Variants in ERBB4 observed in about 807,000 individuals in gnomAD.
ERBB4 encodes the protein erb-b2 receptor tyrosine kinase 4.
A neutral mutation model predicts 158.0 loss-of-function variants in ERBB4; 42 were observed. That is an observed-to-expected ratio of 0.27 (90% confidence interval 0.21 to 0.34). The LOEUF is 0.34. ERBB4 is among the 10% of genes least tolerant of loss of function. ERBB4 has a pLI of 1.00. For missense variants in ERBB4, 1,333 were observed against 1,624.1 expected, an observed-to-expected ratio of 0.82 and a Z score of 3.08; for synonymous variants, 583 against 558.7, an observed-to-expected ratio of 1.04 and a Z score of -0.61.
At chr2:211,990,740 C>T (rs1050125512) in intron 2 of ERBB4, among the ~76,000 whole-genome samples, 1 of 151,660 alleles carries the variant, frequency 6.6e-6, no homozygotes, top group African/African-American at 2.4e-5. Context: ...GTATCCTCGA[C>T]CAGCATCTCT....
At chr2:211,391,352 A>AT (rs1451214255) in intron 25 of ERBB4, among the ~76,000 whole-genome samples, 1 of 152,202 alleles carries the variant, frequency 6.6e-6, no homozygotes, top group East Asian at 1.9e-4. Context: ...GCTCTCAGTT[A>AT]AAAGCTTTTG....
intron 1 of ERBB4, among the ~76,000 whole-genome samples, chr2:212,497,109 C>T (rs962496191): frequency 2.8e-5 from 4 of 141,744 alleles, no homozygotes; most frequent in Admixed American, 7.6e-5. Flanking sequence ...ACCCAGGAGG[C>T]GGAGGTTGCA....
intron 2 of ERBB4, among the ~76,000 whole-genome samples, chr2:212,079,786 C>T (rs529784618): frequency 6.6e-6 from 1 of 152,088 alleles, no homozygotes; most frequent in South Asian, 2.1e-4. Context: ...CACTTTGCTA[C>T]CCTTTCATAA....
intron 20 of ERBB4, among the ~76,000 whole-genome samples, chr2:211,482,334 G>T (rs2065104382): frequency 1.3e-5 from 2 of 152,072 alleles, no homozygotes; most frequent in Admixed American, 1.3e-4. Context: ...CACACTTCAG[G>T]AATCATCAAA....
chr2:212,278,715 T>G (rs1038621619), intron 1 of ERBB4, among the ~76,000 whole-genome samples: 1 of 151,638 alleles, frequency 6.6e-6, no homozygotes, highest in Non-Finnish European at 1.5e-5. Flanking sequence ...AGCTAGTATT[T>G]TAGAATGAAG....
chr2:211,701,624 G>A (rs554073937), intron 12 of ERBB4, among the ~76,000 whole-genome samples: 36 of 151,844 alleles, frequency 2.4e-4, no homozygotes, highest in African/African-American at 8.0e-4. Context: ...CGGGCGCGGC[G>A]GCGGGCGCCT....
At chr2:212,513,420 T>C (rs1180357858) in intron 1 of ERBB4, among the ~76,000 whole-genome samples, 1 of 152,166 alleles carries the variant, frequency 6.6e-6, no homozygotes, top group Non-Finnish European at 1.5e-5. Context: ...TCATGCTAAA[T>C]ACCTTATACA....
chr2:212,243,321 G>A (rs1260331297), intron 1 of ERBB4, among the ~76,000 whole-genome samples: 2 of 152,156 alleles, frequency 1.3e-5, no homozygotes, highest in Non-Finnish European at 2.9e-5. Flanking sequence ...TGATTAAGAA[G>A]CATATTGGGA....
At chr2:212,027,986 T>C (rs1575535937) in intron 2 of ERBB4, among the ~76,000 whole-genome samples, 1 of 152,136 alleles carries the variant, frequency 6.6e-6, no homozygotes, top group East Asian at 1.9e-4. Flanking sequence ...TTTGTAGTTC[T>C]TCAAAATCTG....
rs2125295814 is a variant in ERBB4 at position 211,378,439 on chromosome 2, A to C, written c.*5176T>G. On this transcript the variant is annotated 3_prime_UTR_variant, in exon 28 of 28. Transcript: ENST00000342788. Reference sequence around the variant, plus strand: ...AGTGAGACTTGAACCGAGTATCTGAAATTTCTATTATTTTAGAGAGACTTT... The same window carrying C: ...AGTGAGACTTGAACCGAGTATCTGACATTTCTATTATTTTAGAGAGACTTT... The C allele has an allele frequency of 4.3e-6, 1 of 232,728 alleles. No homozygotes were observed. Among genetic ancestry groups the C allele is most frequent in the Non-Finnish European group, 8.5e-6 (1 of 117,412 alleles). The allele number at this position is 232,728 out of a possible 1,614,324, so 14.4% of individuals were successfully genotyped here.
intron 13 of ERBB4, among the ~76,000 whole-genome samples, chr2:211,676,396 T>C (rs894679893): frequency 6.6e-6 from 1 of 152,174 alleles, no homozygotes; most frequent in African/African-American, 2.4e-5. Flanking sequence ...TAAAAAACAG[T>C]GTGGTAATCA....
At chr2:212,193,470 T>A (rs1046262848) in intron 1 of ERBB4, among the ~76,000 whole-genome samples, 1 of 152,044 alleles carries the variant, frequency 6.6e-6, no homozygotes, top group Non-Finnish European at 1.5e-5. Flanking sequence ...AATAAGAAGA[T>A]AGAAAACAGT....
chr2:212,058,636 AT>A, intron 2 of ERBB4, among the ~76,000 whole-genome samples: 1 of 152,338 alleles, frequency 6.6e-6, no homozygotes, highest in Admixed American at 6.5e-5. Flanking sequence ...CTGGTTCAAC[AT>A]ACGCAAATCA....
chr2:211,656,726 T>C (rs995992835), intron 16 of ERBB4, among the ~76,000 whole-genome samples: 1 of 152,230 alleles, frequency 6.6e-6, no homozygotes, highest in Non-Finnish European at 1.5e-5. Flanking sequence ...TCATGCAGTA[T>C]GTATTTTTTT....
At chr2:212,021,802 T>C (rs914853159) in intron 2 of ERBB4, among the ~76,000 whole-genome samples, 1 of 151,108 alleles carries the variant, frequency 6.6e-6, no homozygotes, top group Non-Finnish European at 1.5e-5. Context: ...TGGGAGAAAA[T>C]TTTTGCAAAA....
chr2:212,229,689 C>T (rs947690169), intron 1 of ERBB4, among the ~76,000 whole-genome samples: 1 of 152,042 alleles, frequency 6.6e-6, no homozygotes, highest in Non-Finnish European at 1.5e-5. Flanking sequence ...ACAGCTTATC[C>T]AGGTGATAAA....
At position 211,478,911 on chromosome 2, in the gene ERBB4, T is replaced by C. The variant is rs947087615; in HGVS notation, c.2488-47811A>G. On this transcript the variant is annotated intron_variant, in intron 20 of 27. Coordinates refer to ENST00000342788, the MANE Select transcript of ERBB4 (RefSeq NM_005235.3). Reference sequence around the variant, plus strand: ...ATATTGAAACTCCTCAGGATGGTAATGTAAGGCTTCTTCATGCTTTCCCAA... The same window carrying C: ...ATATTGAAACTCCTCAGGATGGTAACGTAAGGCTTCTTCATGCTTTCCCAA... Among the ~76,000 whole-genome samples, 5 of 152,148 alleles carry C rather than the reference T, an allele frequency of 3.3e-5. No individual in the cohort carries two copies. The East Asian group carries it at 5.8e-4, about 18-fold the overall frequency.
At chr2:211,409,546 A>G (rs895158214) in intron 25 of ERBB4, among the ~76,000 whole-genome samples, 3 of 152,166 alleles carry the variant, frequency 2.0e-5, no homozygotes, top group African/African-American at 4.8e-5. Context: ...GGCTCTATCA[A>G]TTCCATTTGT....
chr2:211,681,379 G>A lies in ERBB4; in HGVS notation c.1490-2195C>T, dbSNP rs571104708. On this transcript the variant is annotated intron_variant, in intron 12 of 27. Coordinates refer to ENST00000342788, the MANE Select transcript of ERBB4 (RefSeq NM_005235.3). ...TTCTTGTCCTTTAGATAAATACCCA[G>A]GAGAGGAGTGGCTGGACAATATGGT... Among the ~76,000 whole-genome samples, 4 of 152,242 alleles carry A rather than the reference G, an allele frequency of 2.6e-5. No homozygotes were observed. In the South Asian group the frequency reaches 8.3e-4, roughly 32 times the overall value.
Sources: allele counts gnomAD v4.1 joint callset (sites outside exome capture counted in the v4.1 genomes callset), GRCh38; gene constraint gnomAD v4.1.1; transcripts MANE v1.5; gene names NCBI Gene and HGNC (gene_info 2026-07-23, HGNC 2026-07-21).